The following RASSF4 variants were observed in gnomAD, a reference collection of about 807,000 sequenced individuals.
The protein encoded by RASSF4 is Ras association domain family member 4, also known as ras association domain-containing protein 4.
In RASSF4, 38 loss-of-function variants were observed where a neutral mutation model predicts 41.1. That is an observed-to-expected ratio of 0.92 (90% CI 0.71 to 1.21). The LOEUF (loss-of-function observed/expected upper bound fraction) is 1.21, where lower values mean the gene tolerates loss of function less well. Among genes scored for constraint, RASSF4 ranks in the 50% most tolerant of loss-of-function variants. The probability of loss-of-function intolerance (pLI) is 0.00; values close to 1 mark genes in which losing one functional copy is unlikely to be tolerated. For missense variants in RASSF4, 414 were observed against 419.4 expected (o/e 0.99, Z 0.11); for synonymous variants, 179 against 163.4 (o/e 1.10, Z -0.73).
At chr10:44,960,840 G>A (rs539864357) in intron 1 of RASSF4, among the ~76,000 whole-genome samples, 10 of 152,374 alleles carry the variant, frequency 6.6e-5, no homozygotes, top group African/African-American at 2.4e-4. Context: ...TGGCTTTGCT[G>A]TAGTTTAACT....
intron 3 of RASSF4, chr10:44,976,253 C>T (rs1001230161): frequency 6.6e-6 from 1 of 152,252 alleles, no homozygotes; most frequent in Non-Finnish European, 1.5e-5. Context: ...GATAAGGAAA[C>T]TGGGTAATTG....
intron 3 of RASSF4, chr10:44,977,325 C>T (rs1841477186): frequency 6.6e-7 from 1 of 1,505,932 alleles, no homozygotes; most frequent in African/African-American, 1.4e-5. Context: ...GCAGTGACCA[C>T]CATGGAGGAG....
intron 4 of RASSF4, chr10:44,983,014 G>A (rs762092745): frequency 3.3e-5 from 18 of 552,638 alleles, no homozygotes; most frequent in Admixed American, 2.2e-4. Flanking sequence ...AAATTCACAC[G>A]AATTTAGCCT....
At chr10:44,977,871 G>C in intron 3 of RASSF4, 1 of 1,611,872 alleles carries the variant, frequency 6.2e-7, no homozygotes, top group Non-Finnish European at 8.5e-7. Flanking sequence ...GCCTTGTCCA[G>C]CACAGAGGTG....
intron 1 of RASSF4, among the ~76,000 whole-genome samples, chr10:44,962,721 G>T (rs1272556587): frequency 1.3e-5 from 2 of 152,240 alleles, no homozygotes; most frequent in Non-Finnish European, 2.9e-5. Flanking sequence ...TGTTTCTGTG[G>T]ATCTTCTCTT....
At chr10:44,987,595 T>A (rs72780683) in intron 6 of RASSF4, among the ~76,000 whole-genome samples, 94,479 of 144,010 alleles carry the variant, frequency 0.66, 31,274 homozygotes, top group Non-Finnish European at 0.69. Flanking sequence ...AAGGTTGCTG[T>A]TCAGCAACCT....
intron 9 of RASSF4, 30 bp downstream of exon 9, chr10:44,991,099 G>T: frequency 6.3e-7 from 1 of 1,594,838 alleles, no homozygotes; most frequent in Non-Finnish European, 8.6e-7. Context: ...GGGGAGGCCT[G>T]CTCTAGGGTG....
At chr10:44,986,205 T>C (rs1341937716) in intron 6 of RASSF4, among the ~76,000 whole-genome samples, 1 of 152,226 alleles carries the variant, frequency 6.6e-6, no homozygotes, top group African/African-American at 2.4e-5. Context: ...CAGGGATGTT[T>C]TGCTCCATGA....
intron 3 of RASSF4, among the ~76,000 whole-genome samples, chr10:44,974,835 G>T (rs1468075924): frequency 6.6e-6 from 1 of 152,250 alleles, no homozygotes; most frequent in Non-Finnish European, 1.5e-5. Context: ...TCTGGAGGCT[G>T]AGGCGCCGAC....
At chr10:44,971,925 A>T in intron 3 of RASSF4, 77 bp downstream of exon 3, 1 of 977,082 alleles carries the variant, frequency 1.0e-6, no homozygotes, top group Non-Finnish European at 1.6e-6. Context: ...TTTCAGGGTA[A>T]TGATGAAGAC....
At chr10:44,985,142 A>G (rs1841873101) in intron 6 of RASSF4, among the ~76,000 whole-genome samples, 172 bp downstream of exon 6, 1 of 152,238 alleles carries the variant, frequency 6.6e-6, no homozygotes, top group South Asian at 2.1e-4. Context: ...ATTTTCCAGC[A>G]CATGCTCACT....
At chr10:44,974,518 G>A (rs1470529477) in intron 3 of RASSF4, among the ~76,000 whole-genome samples, 3 of 152,206 alleles carry the variant, frequency 2.0e-5, no homozygotes, top group Non-Finnish European at 4.4e-5. Context: ...CAGGTCTCAG[G>A]GACACAGGGT....
chr10:44,974,275 A>G (rs75484799), intron 3 of RASSF4, among the ~76,000 whole-genome samples: 2,109 of 152,374 alleles, frequency 0.014, 41 homozygotes, highest in African/African-American at 0.047. Context: ...ACACTTCCCC[A>G]GAGAACCTCC....
chr10:44,984,632 G>T (rs1841847414), intron 5 of RASSF4, 181 bp from the exon 6 acceptor site: 1 of 694,702 alleles, frequency 1.4e-6, no homozygotes. Context: ...CCCTGTCTGG[G>T]TCTCACCTTC....
chr10:44,966,693 T>C (rs147244022), intron 1 of RASSF4, among the ~76,000 whole-genome samples: 1 of 152,314 alleles, frequency 6.6e-6, no homozygotes, highest in Non-Finnish European at 1.5e-5. Flanking sequence ...GGGTGTGTAA[T>C]TTAGCATCTC....
intron 3 of RASSF4, among the ~76,000 whole-genome samples, chr10:44,972,361 T>C (rs1376017594): frequency 6.6e-6 from 1 of 152,190 alleles, no homozygotes; most frequent in Non-Finnish European, 1.5e-5. Context: ...AGCGCAGGTG[T>C]GGGGAGTGGG....
intron 4 of RASSF4, chr10:44,983,753 G>A (rs1332630293): frequency 6.1e-6 from 3 of 487,996 alleles, no homozygotes; most frequent in Non-Finnish European, 7.4e-6. Context: ...CTATGTTCAT[G>A]TGTCCGTGTG....
rs773523373 is a variant in RASSF4 at position 44,979,736 on chromosome 10, A to AG, written c.139-2780dup. ...GGGCCTGCAGACTGGCCCATGTAGG[A>AG]GGGGGTCAGTGGACCTTGGGGTGGA... is the stretch of plus-strand genomic sequence containing the variant. On this transcript the variant is annotated intron_variant, in intron 3 of 10. Coordinates refer to ENST00000340258, the MANE Select transcript of RASSF4 (RefSeq NM_032023.4). 2.3e-3 allele frequency among the ~76,000 whole-genome samples: 349 copies of AG among 152,084 alleles called. 1 individual carries two copies. The highest frequency in any genetic ancestry group is 3.4e-3 in the Middle Eastern group (1 of 294).
chr10:44,989,297 T>C lies in RASSF4; in HGVS notation c.555T>C (p.Tyr185=), dbSNP rs752274263. ...NHKTSVFTPA[Y]GSVTNVRVNS... ...AGACCTCCGTGTTTACTCCAGCCTA[T>C]GGATCCGTGACCAATGTGAGGGTCA... The change falls in exon 7 of 11, where the codon TAT becomes TAC. Residue 185 remains tyrosine, a synonymous_variant. Coordinates refer to ENST00000340258, the MANE Select transcript of RASSF4 (RefSeq NM_032023.4). 45 of 1,613,668 alleles carry C rather than the reference T, an allele frequency of 2.8e-5. No individual in the cohort carries two copies. The highest frequency in any genetic ancestry group is 2.0e-4 in the Admixed American group (12 of 60,002).
Sources: allele counts gnomAD v4.1 joint callset (sites outside exome capture counted in the v4.1 genomes callset), GRCh38; gene constraint gnomAD v4.1.1; transcripts MANE v1.5; gene names NCBI Gene and HGNC (gene_info 2026-07-23, HGNC 2026-07-21).